The following SP140 variants were observed in gnomAD, a reference collection of about 807,000 sequenced individuals.
SP140 encodes SP140 nuclear body protein, also known as nuclear body protein SP140.
Under a neutral mutation model 125.0 loss-of-function variants are expected in SP140, and 81 were observed. The observed-to-expected ratio is 0.65, with a 90% CI of 0.54 to 0.78. SP140 has a LOEUF of 0.78. SP140 is among the 30% of genes least tolerant of loss of function. The pLI is 0.00. For synonymous variants in SP140, 312 were observed against 354.0 expected (o/e 0.88, Z 1.33); for missense variants, 858 against 1,037.0 (o/e 0.83, Z 2.37).
At chr2:230,265,445 C>T (rs2052944244) in intron 12 of SP140, among the ~76,000 whole-genome samples, 1 of 152,200 alleles carries the variant, frequency 6.6e-6, no homozygotes. Context: ...GATTTGCGCC[C>T]TCACAAGAGT....
chr2:230,216,946 A>AT (rs755825739), intron 3 of SP140: 1 of 1,611,642 alleles, frequency 6.2e-7, no homozygotes, highest in South Asian at 1.1e-5. Flanking sequence ...AAGAGGCATG[A>AT]TAAAAAATAG....
chr2:230,208,798 G>A (rs2044155919), intron 1 of SP140, among the ~76,000 whole-genome samples: 1 of 152,220 alleles, frequency 6.6e-6, no homozygotes, highest in Non-Finnish European at 1.5e-5. Flanking sequence ...CAGTGTACAG[G>A]AAGTAGGTAA....
intron 9 of SP140, among the ~76,000 whole-genome samples, chr2:230,249,665 C>T (rs1483656192): frequency 6.6e-6 from 1 of 151,888 alleles, no homozygotes; most frequent in African/African-American, 2.4e-5. Context: ...ACAATAACAA[C>T]AGCAATATGG....
At chr2:230,202,006 A>G (rs1316751097), upstream of SP140, among the ~76,000 whole-genome samples, 1 of 152,240 alleles carries the variant, frequency 6.6e-6, no homozygotes, top group Non-Finnish European at 1.5e-5. Flanking sequence ...AAAGCAACAT[A>G]TCACAACTGA....
chr2:230,269,099 A>G (rs2053554268), intron 12 of SP140, among the ~76,000 whole-genome samples: 1 of 152,158 alleles, frequency 6.6e-6, no homozygotes, highest in South Asian at 2.1e-4. Context: ...TTGGCCATCA[A>G]TGCAGGCTTT....
At chr2:230,267,693 G>T (rs1331173387) in intron 12 of SP140, among the ~76,000 whole-genome samples, 1 of 152,160 alleles carries the variant, frequency 6.6e-6, no homozygotes, top group Non-Finnish European at 1.5e-5. Flanking sequence ...CTTTGGCAAA[G>T]ACAATCCCGT....
intron 14 of SP140, 43 bp downstream of exon 14, chr2:230,269,996 G>C: frequency 7.6e-7 from 1 of 1,315,974 alleles, no homozygotes; most frequent in East Asian, 2.3e-5. Context: ...GGCTCAGTGG[G>C]CCCCACAGAC....
chr2:230,240,395 C>T (rs1386487261), intron 3 of SP140, among the ~76,000 whole-genome samples: 2 of 152,060 alleles, frequency 1.3e-5, no homozygotes, highest in Non-Finnish European at 2.9e-5. Context: ...GACTGGGAGA[C>T]AATATTTTGC....
chr2:230,310,515 AC>A, intron 23 of SP140: 1 of 965,826 alleles, frequency 1.0e-6, no homozygotes, highest in East Asian at 2.7e-5. Context: ...GTCCACACTC[AC>A]GGTGACACCA....
At chr2:230,192,373 T>C in the SP140 span, among the ~76,000 whole-genome samples, 10 of 152,290 alleles carry the variant, frequency 6.6e-5, no homozygotes, top group East Asian at 1.9e-3. Flanking sequence ...CATGATTATA[T>C]ACTTAGAAAA....
chr2:230,221,899 T>G (rs1384110481), upstream of SP140: 1 of 645,046 alleles, frequency 1.6e-6, no homozygotes, highest in African/African-American at 1.8e-5. Context: ...AAAAGACAGC[T>G]GCGAATGAGG....
At position 230,243,734 on chromosome 2, in the gene SP140, A is replaced by G. The variant is rs781767214; in HGVS notation, c.494A>G (p.Asn165Ser). 3.1e-6 allele frequency: 5 copies of G among 1,611,458 alleles called. No individual in the cohort carries two copies. Among genetic ancestry groups the G allele is most frequent in the East Asian group, 2.2e-5 (1 of 44,850 alleles). ...GGGATTTCATTCCTTTCGGCAGAGA[A>G]CAGCAATGCCTGTCATGAAATGGAT... The part of the protein sequence containing the change: ...PRLLPYGKQE[N>S]SNACHEMDDI... Residue 165 changes from asparagine to serine, a missense_variant, in exon 5 of 27, where the codon AAC (asparagine) becomes AGC (serine). By Grantham distance (46) the Asn-to-Ser change is conservative. Transcript: ENST00000392045.
intron 3 of SP140, chr2:230,219,974 A>G: frequency 1.0e-6 from 1 of 985,614 alleles, no homozygotes. Flanking sequence ...CAGGCAAAAC[A>G]GGAAGTCTGT....
At chr2:230,217,245 CAA>C (rs6147220) in intron 3 of SP140, among the ~76,000 whole-genome samples, 5 of 79,790 alleles carry the variant, frequency 6.3e-5, no homozygotes, top group Admixed American at 1.5e-4. Context: ...GACTCCATCT[CAA>C]AAAAAAAAAA....
At position 230,280,128 on chromosome 2, in the gene SP140, T is replaced by C. The variant is rs1207284913; in HGVS notation, c.1499-4218T>C. The stretch of plus-strand genomic sequence containing the variant: ...TTGCTCCATCAGATTTGCATACAAA[T>C]GTGTTAAATTCTTGCACATGGTTGT... On this transcript the variant is annotated intron_variant, in intron 15 of 26. Coordinates refer to ENST00000392045, the MANE Select transcript of SP140 (RefSeq NM_007237.5). Among the ~76,000 whole-genome samples, 3 of 152,186 alleles carry C rather than the reference T, an allele frequency of 2.0e-5. 1 individual carries two copies. Among genetic ancestry groups the C allele is most frequent in the Middle Eastern group, 6.3e-3 (2 of 316 alleles).
upstream of SP140, chr2:230,200,955 A>G (rs1030840458): frequency 5.0e-6 from 8 of 1,612,828 alleles, no homozygotes; most frequent in South Asian, 1.1e-5. Context: ...CTGAAGTGCC[A>G]TCAATGATCT....
intron 17 of SP140, among the ~76,000 whole-genome samples, chr2:230,287,630 T>C (rs1343630739): frequency 6.6e-6 from 1 of 152,230 alleles, no homozygotes; most frequent in Non-Finnish European, 1.5e-5. Flanking sequence ...ATGAAGCATT[T>C]ATACTTTTGC....
chr2:230,226,889 C>A (rs962353998), intron 1 of SP140, among the ~76,000 whole-genome samples: 10 of 150,510 alleles, frequency 6.6e-5, no homozygotes, highest in Admixed American at 5.9e-4. Context: ...ACATAAATAA[C>A]AACAATAAAA....
chr2:230,315,188 TC>T (rs1215887181), downstream of SP140, among the ~76,000 whole-genome samples: 16 of 152,160 alleles, frequency 1.1e-4, no homozygotes, highest in African/African-American at 3.9e-4. Context: ...TTGCCCAGCT[TC>T]CAAACCTCAG....
Sources: allele counts gnomAD v4.1 joint callset (sites outside exome capture counted in the v4.1 genomes callset), GRCh38; gene constraint gnomAD v4.1.1; transcripts MANE v1.5; gene names NCBI Gene and HGNC (gene_info 2026-07-23, HGNC 2026-07-21).